ZNF266: variants seen among roughly 807,000 people sequenced by gnomAD.
The protein encoded by ZNF266 is zinc finger protein 1.
A neutral mutation model predicts 16.4 loss-of-function variants in ZNF266; 16 were observed. That is an observed-to-expected ratio of 0.98 (90% CI 0.66 to 1.48). The LOEUF (loss-of-function observed/expected upper bound fraction) is 1.48. Among genes scored for constraint, ZNF266 ranks in the 40% most tolerant of loss-of-function variants. The pLI is 0.00. For missense variants in ZNF266, 738 were observed against 689.1 expected, an observed-to-expected ratio of 1.07 and a Z score of -0.79; for synonymous variants, 262 against 237.9, an observed-to-expected ratio of 1.10 and a Z score of -0.93.
Position 9,413,067 on chromosome 19 carries a change from T to C in ZNF266, c.*208A>G, listed in dbSNP as rs2068463124. The stretch of plus-strand genomic sequence containing the variant: ...TCATACAGTTTCTCTCCAGTGAGAT[T>C]TCTGATGTGTTTGGTAAGGCTTGAG... On this transcript the variant is annotated 3_prime_UTR_variant, in exon 11 of 11. Transcript: ENST00000592904. 5.1e-6 allele frequency: 3 copies of C among 584,696 alleles called. No individual in the cohort carries two copies. In the Admixed American group the frequency reaches 1.1e-4, roughly 21 times the overall value. The allele number at this position is 584,696 out of a possible 1,614,324, so 36.2% of individuals were successfully genotyped here.
intron 8 of ZNF266, 128 bp from the exon 9 acceptor site, chr19:9,418,036 A>G: frequency 1.0e-6 from 1 of 962,580 alleles, no homozygotes; most frequent in Admixed American, 2.0e-5. Context: ...AAATGCAAAT[A>G]TCGTCTGTCT....
At chr19:9,426,996 A>G (rs2070847501) in intron 5 of ZNF266, among the ~76,000 whole-genome samples, 1 of 152,228 alleles carries the variant, frequency 6.6e-6, no homozygotes, top group African/African-American at 2.4e-5. Flanking sequence ...TGGCTTGATA[A>G]AATGGGACCC....
In ZNF266 at chr19:9,414,311, GT is replaced by G; in HGVS notation, c.814del (p.Thr272LeufsTer79). The G allele has an allele frequency of 1.2e-6, 2 of 1,614,022 alleles. No homozygotes were observed. The highest frequency in any genetic ancestry group is 4.5e-5 in the East Asian group (2 of 44,876). ...TTTGTAGGGTTTTTCTGACCTGTGA[GT>G]TTGTATACGCACAGCAAGGTCTGTG... ...HSTDLAVRIQTHRSEKPYKCK... is the reference protein window; with the variant it reads ...HSTDLAVRIQXHRSEKPYKCK... On this transcript the variant is annotated frameshift_variant, in exon 11 of 11. Transcript: ENST00000592904. LOFTEE classifies it low-confidence loss of function (END_TRUNC).
chr19:9,433,271 T>C (rs10426192), intron 5 of ZNF266, among the ~76,000 whole-genome samples: 3 of 152,206 alleles, frequency 2.0e-5, no homozygotes, highest in Admixed American at 2.0e-4. Context: ...CCTTCACAGC[T>C]TTTTGGCAGC....
In ZNF266 at chr19:9,413,507, A is replaced by C. The variant is rs1411737404; in HGVS notation, c.1619T>G (p.Phe540Cys). 2 of 1,613,318 alleles carry C rather than the reference A, an allele frequency of 1.2e-6. No homozygotes were observed. The highest frequency in any genetic ancestry group is 1.7e-6 in the Non-Finnish European group (2 of 1,179,400). ...PFTCMECGKA[F>C]KFPTCVNLHM... ...AAGGTTAACACACGTGGGAAACTTA[A>C]AAGCTTTGCCACATTCCATACACGT... The change falls in exon 11 of 11, where the codon TTT becomes TGT. Residue 540 changes from phenylalanine to cysteine, a missense_variant. By Grantham distance (205) the Phe-to-Cys change is radical. Coordinates refer to ENST00000592904, the MANE Select transcript of ZNF266 (RefSeq NM_001370374.1).
At chr19:9,426,449 G>A (rs988046353) in intron 5 of ZNF266, among the ~76,000 whole-genome samples, 11 of 144,694 alleles carry the variant, frequency 7.6e-5, no homozygotes, top group African/African-American at 2.8e-4. Context: ...ATCAACCAGA[G>A]ACAGAAATTA....
chr19:9,413,924 C>T lies in ZNF266; in HGVS notation c.1202G>A (p.Arg401Lys). 6.2e-7 allele frequency: 1 copy of T among 1,614,094 alleles called. No homozygotes were observed. Residue 401 changes from arginine (R) to lysine (K), a missense_variant, in exon 11 of 11, where the codon AGA (arginine) becomes AAA (lysine). Arg to Lys is a conservative substitution (Grantham distance 26, BLOSUM62 2). Coordinates refer to ENST00000592904, the MANE Select transcript of ZNF266 (RefSeq NM_001370374.1). ...GTGATCACTGAGGCATGAGGAATTTCTAAAGGATTTTCCACATATCTTACA... is the reference window on the plus strand; with the variant it reads ...GTGATCACTGAGGCATGAGGAATTTTTAAAGGATTTTCCACATATCTTACA... ...FECKICGKSF[R>K]NSSCLSDHFR...
chr19:9,419,593 C>T (rs2069537078), intron 6 of ZNF266: 1 of 152,258 alleles, frequency 6.6e-6, no homozygotes, highest in Non-Finnish European at 1.5e-5. Context: ...AAAGCACACA[C>T]AGCAGGGGGC....
intron 9 of ZNF266, among the ~76,000 whole-genome samples, chr19:9,417,178 G>A (rs2069163356): frequency 6.6e-6 from 1 of 151,438 alleles, no homozygotes. Flanking sequence ...TGGGACCAGC[G>A]TGGCCAATGT....
At chr19:9,427,802 A>G (rs1452541276) in intron 5 of ZNF266, among the ~76,000 whole-genome samples, 3 of 152,168 alleles carry the variant, frequency 2.0e-5, no homozygotes, top group Non-Finnish European at 4.4e-5. Flanking sequence ...ACAGGTATGC[A>G]CCGCACCGAT....
intron 5 of ZNF266, among the ~76,000 whole-genome samples, chr19:9,433,150 C>T (rs568229732): frequency 4.6e-5 from 7 of 152,288 alleles, no homozygotes; most frequent in African/African-American, 1.7e-4. Context: ...ATGGGAAGAA[C>T]GTGCAGAATC....
intron 9 of ZNF266, 142 bp from the exon 10 acceptor site, chr19:9,415,884 C>T (rs748509858): frequency 3.7e-5 from 22 of 590,236 alleles, no homozygotes; most frequent in South Asian, 2.7e-4. Flanking sequence ...AGTGCAATGG[C>T]GTGGTCTCAG....
At chr19:9,431,722 C>G (rs2071626580) in intron 5 of ZNF266, among the ~76,000 whole-genome samples, 1 of 152,120 alleles carries the variant, frequency 6.6e-6, no homozygotes, top group African/African-American at 2.4e-5. Flanking sequence ...TCCCTAAGGA[C>G]TATGACTAAC....
In ZNF266 at chr19:9,412,667, G is replaced by A. The variant is rs2068436098; in HGVS notation, c.*608C>T. 6.6e-6 allele frequency: 1 copy of A among 152,316 alleles called. No homozygotes were observed. The highest frequency in any genetic ancestry group is 6.5e-5 in the Admixed American group (1 of 15,276). 9.4% of individuals were successfully genotyped at this position (152,316 alleles called of 1,614,324 possible). A position where few individuals can be genotyped will look rare whatever the true frequency, so the allele number is the denominator to read the frequency against. On this transcript the variant is annotated 3_prime_UTR_variant, in exon 11 of 11. Coordinates refer to ENST00000592904, the MANE Select transcript of ZNF266 (RefSeq NM_001370374.1). The stretch of plus-strand genomic sequence containing the variant: ...AGTGCAATATCAAGGTGGAGACAGG[G>A]TTGGTTTCCTCTGGAGGCCATAATG...
At chr19:9,417,355 G>C (rs1195043438) in intron 9 of ZNF266, among the ~76,000 whole-genome samples, 3 of 152,092 alleles carry the variant, frequency 2.0e-5, no homozygotes, top group Non-Finnish European at 2.9e-5. Context: ...CTGGGTGACA[G>C]TGAAACTGTG....
At position 9,417,812 on chromosome 19, in the gene ZNF266, C is replaced by CT. The variant is rs1186921789; in HGVS notation, c.316+15dup. 6.2e-7 allele frequency: 1 copy of CT among 1,612,126 alleles called. No homozygotes were observed. Among genetic ancestry groups the CT allele is most frequent in the Non-Finnish European group, 8.5e-7 (1 of 1,178,444 alleles). On this transcript the variant is annotated intron_variant, in intron 9 of 10. Transcript: ENST00000592904. Reference sequence around the variant, plus strand: ...ACTGAACTTATTGACCAGGGCGGTCCTTTGTGAACACTCACCTTGGAAATC... The same window carrying CT: ...ACTGAACTTATTGACCAGGGCGGTCCTTTTGTGAACACTCACCTTGGAAATC...
chr19:9,412,432 TCA>T lies in ZNF266; in HGVS notation c.*841_*842del, dbSNP rs2068419296. On this transcript the variant is annotated 3_prime_UTR_variant, in exon 11 of 11. Coordinates refer to ENST00000592904, the MANE Select transcript of ZNF266 (RefSeq NM_001370374.1). ...GATAGCTAATGAACGGAAAAAATAA[TCA>T]CAAAAAAATTTTATTATGTTTGAAG... Among the ~76,000 whole-genome samples the T allele has an allele frequency of 6.6e-6, 1 of 152,170 alleles. No individual in the cohort carries two copies. The highest frequency in any genetic ancestry group is 2.4e-5 in the African/African-American group (1 of 41,442).
intron 4 of ZNF266, 72 bp from the exon 5 acceptor site, chr19:9,433,858 C>T (rs571153628): frequency 2.6e-4 from 40 of 151,972 alleles, no homozygotes; most frequent in Admixed American, 2.6e-3. Flanking sequence ...ATCCCAGCTA[C>T]TAGGGTGGCT....
At chr19:9,415,578 T>C in intron 10 of ZNF266, 76 bp downstream of exon 10, 1 of 1,286,578 alleles carries the variant, frequency 7.8e-7, no homozygotes, top group Non-Finnish European at 1.1e-6. Flanking sequence ...ATTCCCAGCT[T>C]TATTCTGATT....
Sources: gnomAD v4.1 joint callset for allele counts (sites outside exome capture counted in the v4.1 genomes callset) on GRCh38, gnomAD v4.1.1 for gene constraint, MANE v1.5 for transcripts, NCBI Gene and HGNC (gene_info 2026-07-23, HGNC 2026-07-21) for gene names.